The following ANKFN1 variants were observed in gnomAD, a reference collection of about 807,000 sequenced individuals.
The protein encoded by ANKFN1 is ankyrin repeat and fibronectin type III domain containing 1.
ANKFN1 carries 74 observed loss-of-function variants against 108.7 expected under a neutral mutation model. That is an observed-to-expected ratio of 0.68 (90% CI 0.56 to 0.83). The LOEUF (loss-of-function observed/expected upper bound fraction) is 0.83, where lower values mean the gene tolerates loss of function less well. ANKFN1 is among the 40% of genes least tolerant of loss of function. The pLI, the probability that ANKFN1 is intolerant of heterozygous loss-of-function variation, is 0.00. For synonymous variants in ANKFN1, 547 were observed against 516.2 expected (o/e 1.06, Z -0.81); for missense variants, 1,505 against 1,382.3 (o/e 1.09, Z -1.41).
chr17:56,149,545 C>G (rs943674418), upstream of ANKFN1, among the ~76,000 whole-genome samples: 8 of 152,158 alleles, frequency 5.3e-5, no homozygotes, highest in African/African-American at 1.9e-4. Context: ...ACAGAGAGGG[C>G]TAGAGGCAGG....
At chr17:56,387,280 A>G (rs1259683207) in intron 8 of ANKFN1, among the ~76,000 whole-genome samples, 1 of 152,032 alleles carries the variant, frequency 6.6e-6, no homozygotes, top group Non-Finnish European at 1.5e-5. Context: ...TTTCTAATCC[A>G]TGGGTTTAAG....
At chr17:56,295,464 T>C (rs1176500532) in intron 3 of ANKFN1, among the ~76,000 whole-genome samples, 3 of 152,180 alleles carry the variant, frequency 2.0e-5, no homozygotes, top group African/African-American at 7.2e-5. Context: ...CACCCAAGAC[T>C]CTTGAAGCAG....
At chr17:56,108,819 T>C (rs1905801342) in intron 4 of ANKFN1, among the ~76,000 whole-genome samples, 1 of 152,210 alleles carries the variant, frequency 6.6e-6, no homozygotes, top group African/African-American at 2.4e-5. Context: ...TGAGATACCA[T>C]CTTGCTTTAT....
chr17:56,480,583 G>A (rs1182795791), intron 16 of ANKFN1, 85 bp from the exon 17 acceptor site: 1 of 1,422,570 alleles, frequency 7.0e-7, no homozygotes, highest in South Asian at 1.3e-5. Flanking sequence ...GGTTATCCAG[G>A]TTCTGGACAC....
chr17:56,365,838 A>G (rs1357890307), intron 6 of ANKFN1, among the ~76,000 whole-genome samples: 1 of 152,242 alleles, frequency 6.6e-6, no homozygotes, highest in Non-Finnish European at 1.5e-5. Context: ...TACAGGACAC[A>G]CTACTTGATA....
At position 56,085,180 on chromosome 17, in the gene ANKFN1, C is replaced by CATATAT. The variant is rs10572105; in HGVS notation, c.288+38878_288+38883dup. Among the ~76,000 whole-genome samples, 323 of 137,750 alleles carry CATATAT rather than the reference C, an allele frequency of 2.3e-3. 7 individuals are homozygous for CATATAT. The highest frequency in any genetic ancestry group is 5.9e-3 in the African/African-American group (211 of 35,688). The allele number at this position is 137,750 out of a possible 152,430, so 90.4% of individuals were successfully genotyped here. ...TCTGGTTAAATGTTGCCCTCCAAAG[C>CATATAT]ATATATATATATATATATATATATA... On this transcript the variant is annotated intron_variant, in intron 4 of 12. Transcript: ENST00000635860.
intron 4 of ANKFN1, among the ~76,000 whole-genome samples, chr17:56,114,061 T>C (rs1396181792): frequency 6.6e-6 from 1 of 152,168 alleles, no homozygotes; most frequent in Non-Finnish European, 1.5e-5. Context: ...ATTATACAGC[T>C]ACCCAAGCAA....
chr17:56,118,698 T>C (rs1906422388), intron 4 of ANKFN1, among the ~76,000 whole-genome samples: 1 of 152,136 alleles, frequency 6.6e-6, no homozygotes, highest in Non-Finnish European at 1.5e-5. Flanking sequence ...GGTGGAACAG[T>C]AGTGAGATAT....
At chr17:56,257,798 A>G (rs1056755143) in intron 3 of ANKFN1, 3 of 152,306 alleles carry the variant, frequency 2.0e-5, no homozygotes, top group South Asian at 2.1e-4. Flanking sequence ...CTCAAGCAGT[A>G]TTTGGAGCTC....
intron 3 of ANKFN1, among the ~76,000 whole-genome samples, chr17:56,269,841 A>C (rs1049766478): frequency 6.6e-6 from 1 of 152,128 alleles, no homozygotes; most frequent in Admixed American, 6.5e-5. Flanking sequence ...TGTTCTGTGA[A>C]GTTCTCATTC....
At chr17:56,182,617 CA>C (rs1911795085) in intron 1 of ANKFN1, among the ~76,000 whole-genome samples, 1 of 152,132 alleles carries the variant, frequency 6.6e-6, no homozygotes, top group Non-Finnish European at 1.5e-5. Flanking sequence ...AACATAAATG[CA>C]AAGTGAGGCA....
intron 10 of ANKFN1, 39 bp from the exon 11 acceptor site, chr17:56,449,040 T>C (rs2145199755): frequency 6.3e-7 from 1 of 1,587,130 alleles, no homozygotes; most frequent in Non-Finnish European, 8.6e-7. Context: ...GCCTCCCCTG[T>C]TTTAAAATTT....
intron 4 of ANKFN1, among the ~76,000 whole-genome samples, chr17:56,141,123 C>G (rs1907893011): frequency 6.6e-6 from 1 of 152,202 alleles, no homozygotes; most frequent in South Asian, 2.1e-4. Flanking sequence ...CTGATCTTCT[C>G]CAGGGGCTTG....
At chr17:56,050,708 T>C (rs948678690) in intron 4 of ANKFN1, among the ~76,000 whole-genome samples, 1 of 152,046 alleles carries the variant, frequency 6.6e-6, no homozygotes, top group African/African-American at 2.4e-5. Context: ...GTTGTAGATA[T>C]GCGGCGTTAT....
At chr17:56,275,077 G>A (rs1276867969) in intron 3 of ANKFN1, among the ~76,000 whole-genome samples, 2 of 152,120 alleles carry the variant, frequency 1.3e-5, no homozygotes, top group East Asian at 1.9e-4. Flanking sequence ...GGGACCCAAC[G>A]CCCCACCACA....
intron 15 of ANKFN1, among the ~76,000 whole-genome samples, chr17:56,474,730 CA>C (rs1470779231): frequency 3.3e-5 from 5 of 152,272 alleles, no homozygotes; most frequent in Admixed American, 3.3e-4. Flanking sequence ...TTCCTTCCCT[CA>C]TTAACAATTT....
chr17:56,170,798 A>ATATATATATT (rs1910604796), intron 1 of ANKFN1, among the ~76,000 whole-genome samples: 1 of 114,668 alleles, frequency 8.7e-6, no homozygotes, highest in Non-Finnish European at 1.7e-5. Context: ...ATATATATAT[A>ATATATATATT]TATATATATA....
In ANKFN1 at chr17:56,050,222, C is replaced by T. The variant is rs1036026669; in HGVS notation, c.288+3897C>T. Among the ~76,000 whole-genome samples the T allele has an allele frequency of 4.3e-4, 64 of 149,700 alleles. 1 individual carries two copies. Among genetic ancestry groups the T allele is most frequent in the African/African-American group, 1.4e-3 (55 of 40,676 alleles). On this transcript the variant is annotated intron_variant, in intron 4 of 12. Coordinates refer to the ANKFN1 transcript ENST00000635860. ...GAAGTGTCTGTTCATGTCCTTCGCC[C>T]ACTTTTTGATGGGGTTGTTTGTTTT...
At chr17:56,181,181 C>T (rs991729164) in intron 1 of ANKFN1, among the ~76,000 whole-genome samples, 19 of 152,094 alleles carry the variant, frequency 1.2e-4, no homozygotes, top group African/African-American at 4.1e-4. Flanking sequence ...CATAACACAG[C>T]GAAGAAGTTT....
Sources: allele counts gnomAD v4.1 joint callset (sites outside exome capture counted in the v4.1 genomes callset), GRCh38; gene constraint gnomAD v4.1.1; transcripts MANE v1.5; gene names NCBI Gene and HGNC (gene_info 2026-07-23, HGNC 2026-07-21).